The following EYS variants were observed in gnomAD, a reference collection of about 807,000 sequenced individuals.
EYS encodes EGF-like photoreceptor maintenance factor, also known as protein eyes shut homolog.
In EYS, 250 loss-of-function variants were observed where a neutral mutation model predicts 282.1. That is an observed-to-expected ratio of 0.89 (90% CI 0.80 to 0.98). The LOEUF is 0.98. Ranked by LOEUF, EYS falls within the 50% of genes least tolerant of loss-of-function variation. The probability of loss-of-function intolerance (pLI) is 0.00; values close to 1 mark genes in which losing one functional copy is unlikely to be tolerated. For missense variants in EYS, 4,016 were observed against 3,709.0 expected (o/e 1.08, Z -2.15); for synonymous variants, 1,355 against 1,282.9 (o/e 1.06, Z -1.20).
intron 13 of EYS, among the ~76,000 whole-genome samples, chr6:65,042,473 A>T (rs1772968111): frequency 1.3e-5 from 2 of 151,206 alleles, no homozygotes; most frequent in Non-Finnish European, 3.0e-5. Context: ...AAATATTTTT[A>T]TTATTTCATT....
At chr6:64,018,912 C>T (rs2149816951) in intron 33 of EYS, among the ~76,000 whole-genome samples, 1 of 151,886 alleles carries the variant, frequency 6.6e-6, no homozygotes, top group Admixed American at 6.6e-5. Context: ...GTAGCTGGGA[C>T]TACAGGCGCA....
At chr6:64,099,697 A>T (rs968458754) in intron 31 of EYS, among the ~76,000 whole-genome samples, 1 of 152,168 alleles carries the variant, frequency 6.6e-6, no homozygotes, top group African/African-American at 2.4e-5. Context: ...GCTGACACTT[A>T]GGAAAGTTTC....
At chr6:64,300,268 C>A (rs927655237) in intron 30 of EYS, among the ~76,000 whole-genome samples, 1 of 152,120 alleles carries the variant, frequency 6.6e-6, no homozygotes, top group Non-Finnish European at 1.5e-5. Flanking sequence ...CCCAGGCCGA[C>A]AGGGGCCGCG....
At chr6:65,448,452 G>C (rs1289279615) in intron 5 of EYS, among the ~76,000 whole-genome samples, 1 of 151,854 alleles carries the variant, frequency 6.6e-6, no homozygotes, top group Non-Finnish European at 1.5e-5. Flanking sequence ...AATTCATTGA[G>C]ATTGCAGTTA....
chr6:64,941,573 T>C (rs968301000), intron 15 of EYS, among the ~76,000 whole-genome samples: 1 of 152,062 alleles, frequency 6.6e-6, no homozygotes, highest in Non-Finnish European at 1.5e-5. Context: ...GTGAGCATAG[T>C]ATCCAACAGT....
intron 22 of EYS, among the ~76,000 whole-genome samples, chr6:64,693,104 T>C (rs1770454932): frequency 6.7e-6 from 1 of 150,370 alleles, no homozygotes; most frequent in South Asian, 2.1e-4. Flanking sequence ...TGAATAAATT[T>C]AAGAAAAATG....
chr6:64,548,529 G>A (rs548900433), intron 26 of EYS, among the ~76,000 whole-genome samples: 1 of 152,146 alleles, frequency 6.6e-6, no homozygotes, highest in African/African-American at 2.4e-5. Context: ...TGCTTCGTGG[G>A]GACATGGATG....
intron 12 of EYS, among the ~76,000 whole-genome samples, chr6:65,091,532 G>C (rs1278847582): frequency 2.0e-5 from 3 of 151,894 alleles, no homozygotes; most frequent in African/African-American, 7.3e-5. Context: ...CATGTATTTT[G>C]TTACGATTAA....
intron 2 of EYS, among the ~76,000 whole-genome samples, chr6:65,497,548 T>C (rs1286843963): frequency 6.6e-6 from 1 of 151,910 alleles, no homozygotes; most frequent in Non-Finnish European, 1.5e-5. Flanking sequence ...CAATTAAAGA[T>C]AAGCACTCCA....
chr6:65,123,712 T>G (rs939352264), intron 12 of EYS, among the ~76,000 whole-genome samples: 1 of 151,810 alleles, frequency 6.6e-6, no homozygotes, highest in Admixed American at 6.6e-5. Flanking sequence ...TGGCTATTTC[T>G]TGGCTTTCTT....
intron 12 of EYS, among the ~76,000 whole-genome samples, chr6:65,103,654 A>G (rs917956597): frequency 1.3e-5 from 2 of 151,640 alleles, no homozygotes; most frequent in Middle Eastern, 3.4e-3. Flanking sequence ...AAGGTGACCC[A>G]CAAAGTTCAC....
chr6:65,570,984 G>A (rs917638899), intron 2 of EYS, among the ~76,000 whole-genome samples: 6 of 151,896 alleles, frequency 4.0e-5, no homozygotes, highest in Non-Finnish European at 5.9e-5. Context: ...TTTGTTTCTC[G>A]TTATTCACAT....
chr6:63,863,492 C>A (rs1259031460), intron 36 of EYS, among the ~76,000 whole-genome samples: 1 of 151,926 alleles, frequency 6.6e-6, no homozygotes, highest in Non-Finnish European at 1.5e-5. Flanking sequence ...ATATTGTACT[C>A]TCGGTTTGCC....
chr6:64,296,594 A>T (rs1398433117), intron 30 of EYS, among the ~76,000 whole-genome samples: 292 of 4,746 alleles, frequency 0.062, 9 homozygotes, highest in African/African-American at 0.18. Flanking sequence ...ACATATATAT[A>T]TATATTTTTT....
intron 12 of EYS, among the ~76,000 whole-genome samples, chr6:65,260,993 A>G (rs1176481470): frequency 6.6e-6 from 1 of 152,068 alleles, no homozygotes; most frequent in Non-Finnish European, 1.5e-5. Context: ...TACTTAATCT[A>G]GGTCTCAGAG....
chr6:65,012,564 A>G (rs1423384952), intron 13 of EYS, among the ~76,000 whole-genome samples: 1 of 152,162 alleles, frequency 6.6e-6, no homozygotes, highest in African/African-American at 2.4e-5. Context: ...ACTTAGGATA[A>G]GGGATAAAGG....
At chr6:64,597,503 T>C (rs889010845) in intron 24 of EYS, among the ~76,000 whole-genome samples, 1 of 152,146 alleles carries the variant, frequency 6.6e-6, no homozygotes, top group Non-Finnish European at 1.5e-5. Flanking sequence ...GTGGTATATA[T>C]ACACAATGGA....
intron 1 of EYS, among the ~76,000 whole-genome samples, chr6:65,696,918 A>G (rs185031535): frequency 4.6e-4 from 70 of 152,188 alleles, no homozygotes; most frequent in African/African-American, 1.7e-3. Flanking sequence ...GAGCTATCGA[A>G]TAGCATATGT....
At chr6:65,298,888 C>T (rs1340293224) in intron 11 of EYS, among the ~76,000 whole-genome samples, 2 of 151,678 alleles carry the variant, frequency 1.3e-5, no homozygotes, top group Non-Finnish European at 2.9e-5. Context: ...ATGAATGTAC[C>T]ATAATATTTC....
Sources: gnomAD v4.1 joint callset for allele counts (sites outside exome capture counted in the v4.1 genomes callset) on GRCh38, gnomAD v4.1.1 for gene constraint, MANE v1.5 for transcripts, NCBI Gene and HGNC (gene_info 2026-07-23, HGNC 2026-07-21) for gene names.